Variants in YES1 observed in about 807,000 individuals in gnomAD.
YES1 encodes the protein tyrosine-protein kinase Yes.
Under a neutral mutation model 70.4 loss-of-function variants are expected in YES1, and 39 were observed. The observed-to-expected ratio is 0.55, with a 90% CI of 0.43 to 0.72. YES1 has a LOEUF of 0.72. Among genes scored for constraint, YES1 ranks in the 30% least tolerant of loss-of-function variants. The probability of loss-of-function intolerance (pLI) is 0.00; values close to 1 mark genes in which losing one functional copy is unlikely to be tolerated. For missense variants in YES1, 495 were observed against 644.8 expected, an observed-to-expected ratio of 0.77 and a Z score of 2.52; for synonymous variants, 198 against 218.6, an observed-to-expected ratio of 0.91 and a Z score of 0.83.
In YES1 at chr18:764,884, C is replaced by T. The variant is rs1904799377; in HGVS notation, c.-8-8049G>A. On this transcript the variant is annotated intron_variant, in intron 1 of 11. Transcript: ENST00000314574. ...AGTAGCTGGGATTACAGGTGCACAC[C>T]ACCACACCCGGCTAATTTTTTGTGT... is the stretch of plus-strand genomic sequence containing the variant. Among the ~76,000 whole-genome samples the T allele has an allele frequency of 1.3e-5, 2 of 151,764 alleles. 1 individual carries two copies. Among genetic ancestry groups the T allele is most frequent in the Admixed American group, 1.3e-4 (2 of 15,212 alleles).
intron 1 of YES1, among the ~76,000 whole-genome samples, chr18:781,710 T>C (rs540761236): frequency 1.7e-4 from 26 of 152,346 alleles, no homozygotes; most frequent in African/African-American, 5.8e-4. Context: ...CTGTCACTTA[T>C]TAGCTACTGT....
intron 8 of YES1, among the ~76,000 whole-genome samples, 185 bp downstream of exon 8, chr18:742,733 G>A (rs887564337): frequency 1.1e-4 from 16 of 151,986 alleles, no homozygotes; most frequent in African/African-American, 3.1e-4. Context: ...CCTTTTAAAC[G>A]TCATACTATC....
intron 1 of YES1, among the ~76,000 whole-genome samples, chr18:794,594 A>G (rs1326992213): frequency 1.3e-5 from 2 of 152,104 alleles, no homozygotes; most frequent in East Asian, 3.9e-4. Flanking sequence ...CAAATTTATT[A>G]TGTCATAGTT....
At chr18:775,622 C>A (rs556274000) in intron 1 of YES1, among the ~76,000 whole-genome samples, 26 of 152,182 alleles carry the variant, frequency 1.7e-4, no homozygotes, top group African/African-American at 6.3e-4. Flanking sequence ...CATAATGAGA[C>A]CTCATCTCTA....
intron 11 of YES1, among the ~76,000 whole-genome samples, chr18:726,355 G>A (rs919814566): frequency 6.6e-6 from 1 of 151,844 alleles, no homozygotes; most frequent in African/African-American, 2.4e-5. Flanking sequence ...AACCTGGGAG[G>A]TGGAGGTTGC....
At chr18:762,188 C>T (rs556094323) in intron 1 of YES1, among the ~76,000 whole-genome samples, 2 of 152,126 alleles carry the variant, frequency 1.3e-5, no homozygotes, top group Non-Finnish European at 2.9e-5. Flanking sequence ...GGCGTGGTGG[C>T]CCATGCCTGT....
chr18:784,139 T>C (rs1011203312), intron 1 of YES1, among the ~76,000 whole-genome samples: 1 of 152,204 alleles, frequency 6.6e-6, no homozygotes, highest in African/African-American at 2.4e-5. Flanking sequence ...CATGGGACAG[T>C]TACTAAATAA....
intron 1 of YES1, among the ~76,000 whole-genome samples, chr18:760,566 A>G (rs539629302): frequency 4.6e-5 from 7 of 152,322 alleles, no homozygotes; most frequent in East Asian, 1.9e-4. Flanking sequence ...ATGCCATTTT[A>G]TATCATGGAC....
intron 1 of YES1, among the ~76,000 whole-genome samples, chr18:803,757 C>T (rs1255343527): frequency 6.6e-6 from 1 of 152,164 alleles, no homozygotes; most frequent in African/African-American, 2.4e-5. Context: ...GTTCACCCAC[C>T]TCATAATCAG....
intron 1 of YES1, among the ~76,000 whole-genome samples, chr18:797,747 T>C (rs952421038): frequency 6.6e-6 from 1 of 152,232 alleles, no homozygotes; most frequent in African/African-American, 2.4e-5. Context: ...TCTGCATTTA[T>C]TAACGTTCAC....
In YES1 at chr18:733,017, G is replaced by A. The variant is rs368966522; in HGVS notation, c.1292-52C>T. 169 of 1,585,606 alleles carry A rather than the reference G, an allele frequency of 1.1e-4. 2 individuals carry two copies. The African/African-American group carries it at 1.4e-3, about 13-fold the overall frequency. On this transcript the variant is annotated intron_variant, in intron 10 of 11. Transcript: ENST00000314574. ...AATTGTTTTTTAAAAATCTATTTGT[G>A]TAAACATAGCATATGCAGGGCTAAT...
intron 1 of YES1, among the ~76,000 whole-genome samples, chr18:786,045 G>C (rs1188376319): frequency 6.6e-6 from 1 of 152,150 alleles, no homozygotes; most frequent in Non-Finnish European, 1.5e-5. Flanking sequence ...TCAGCACTTT[G>C]GTATTGGACC....
intron 1 of YES1, among the ~76,000 whole-genome samples, chr18:763,888 G>A (rs952135274): frequency 8.6e-5 from 13 of 151,898 alleles, no homozygotes; most frequent in Admixed American, 7.9e-4. Context: ...TTGGGAGGCC[G>A]AGGCGGGCAG....
At chr18:774,429 T>C (rs1486068299) in intron 1 of YES1, among the ~76,000 whole-genome samples, 1 of 152,176 alleles carries the variant, frequency 6.6e-6, no homozygotes, top group African/African-American at 2.4e-5. Context: ...TCTAAAAGGA[T>C]TTCAAATTTA....
At chr18:806,909 A>C (rs1258070262) in intron 1 of YES1, among the ~76,000 whole-genome samples, 1 of 152,320 alleles carries the variant, frequency 6.6e-6, no homozygotes, top group South Asian at 2.1e-4. Context: ...CAAACTACCA[A>C]ATTCCAAAGA....
At chr18:808,005 G>T (rs969821832) in intron 1 of YES1, among the ~76,000 whole-genome samples, 4 of 152,208 alleles carry the variant, frequency 2.6e-5, no homozygotes, top group Admixed American at 6.5e-5. Context: ...ATTTGGGGGG[G>T]AAAAGGAGTT....
chr18:739,790 T>C lies in YES1; in HGVS notation c.1082A>G (p.Lys361Arg). 1 of 1,611,668 alleles carries C rather than the reference T, an allele frequency of 6.2e-7. No individual in the cohort carries two copies. The highest frequency in any genetic ancestry group is 8.5e-7 in the Non-Finnish European group (1 of 1,179,510). The part of the protein sequence containing the change: ...MSKGSLLDFL[K>R]EGDGKYLKLP... The stretch of plus-strand genomic sequence containing the variant: ...CTTCAAATACTTTCCATCTCCTTCC[T>C]TAAGGAAATCTAATAAGCTTCCTGT... The change falls in exon 9 of 12, where the codon AAG becomes AGG. Residue 361 changes from lysine to arginine, a missense_variant. Coordinates refer to ENST00000314574, the MANE Select transcript of YES1 (RefSeq NM_005433.4).
intron 11 of YES1, among the ~76,000 whole-genome samples, chr18:726,811 A>G (rs1411532656): frequency 6.8e-6 from 1 of 147,480 alleles, no homozygotes; most frequent in East Asian, 2.0e-4. Context: ...AAAAAAAAAA[A>G]AAAATTCACA....
At chr18:798,817 TC>T (rs1341310697) in intron 1 of YES1, among the ~76,000 whole-genome samples, 5 of 152,204 alleles carry the variant, frequency 3.3e-5, no homozygotes, top group African/African-American at 1.2e-4. Context: ...TTCCAATGTT[TC>T]CTAAAGTCTA....
Sources: gnomAD v4.1 joint callset for allele counts (sites outside exome capture counted in the v4.1 genomes callset) on GRCh38, gnomAD v4.1.1 for gene constraint, MANE v1.5 for transcripts, NCBI Gene and HGNC (gene_info 2026-07-23, HGNC 2026-07-21) for gene names.